ZNF519: variants seen among roughly 807,000 people sequenced by gnomAD.
ZNF519 encodes the protein similar to Zinc finger protein 85 (Zinc finger protein HPF4) (HTF1).
Under a neutral mutation model 7.4 loss-of-function variants are expected in ZNF519, and 7 were observed. That is an observed-to-expected ratio of 0.94 (90% CI 0.54 to 1.77). The LOEUF is 1.77. Among genes scored for constraint, ZNF519 ranks in the 40% most tolerant of loss-of-function variants. The pLI, the probability that ZNF519 is intolerant of heterozygous loss-of-function variation, is 0.00. For synonymous variants in ZNF519, 179 were observed against 203.3 expected, an observed-to-expected ratio of 0.88 and a Z score of 1.02; for missense variants, 586 against 623.1, an observed-to-expected ratio of 0.94 and a Z score of 0.63.
chr18:14,093,239 C>T (rs2046121510), intron 2 of ZNF519, among the ~76,000 whole-genome samples: 1 of 152,152 alleles, frequency 6.6e-6, no homozygotes. Context: ...ACTGACCAAC[C>T]CTTTGAAAGT....
At chr18:14,120,382 T>C (rs2046264883) in intron 2 of ZNF519, among the ~76,000 whole-genome samples, 1 of 152,144 alleles carries the variant, frequency 6.6e-6, no homozygotes, top group Non-Finnish European at 1.5e-5. Flanking sequence ...TCTTTGACCA[T>C]ACCCTAAAAT....
intron 1 of ZNF519, among the ~76,000 whole-genome samples, chr18:14,132,028 C>G (rs2046333002): frequency 6.6e-6 from 1 of 152,162 alleles, no homozygotes; most frequent in African/African-American, 2.4e-5. Flanking sequence ...CGATGACTTT[C>G]GCCTCATCAC....
intron 2 of ZNF519, among the ~76,000 whole-genome samples, chr18:14,108,142 G>A (rs564464172): frequency 1.3e-5 from 2 of 152,292 alleles, no homozygotes; most frequent in Admixed American, 6.5e-5. Context: ...ATCAACTGCT[G>A]TGCTGGTTTC....
intron 2 of ZNF519, chr18:14,123,073 T>C: frequency 5.5e-6 from 1 of 180,694 alleles, no homozygotes; most frequent in Non-Finnish European, 1.3e-5. Flanking sequence ...TGACCTTTGG[T>C]CCCCTTGCCT....
At chr18:14,077,373 G>A (rs2046051596) in exon 5 of ZNF519, 1 of 152,304 alleles carries the variant, frequency 6.6e-6, no homozygotes. Flanking sequence ...TTTGCCTTCT[G>A]AACTACTCGT....
At chr18:14,121,723 T>C (rs564457869) in intron 2 of ZNF519, 35 of 152,300 alleles carry the variant, frequency 2.3e-4, no homozygotes, top group Non-Finnish European at 4.0e-4. Flanking sequence ...AGTATACACA[T>C]ATACGATTTA....
In ZNF519 at chr18:14,101,876, C is replaced by T; in HGVS notation, c.*3041G>A. On this transcript the variant is annotated 3_prime_UTR_variant, in exon 3 of 3. Transcript: ENST00000590202. ...TTCCATTCCCCAAATCAGGCACAGACCAGAGTCTACATAAACCTCCTGCCC... is the reference window on the plus strand; with the variant it reads ...TTCCATTCCCCAAATCAGGCACAGATCAGAGTCTACATAAACCTCCTGCCC... 2.5e-6 allele frequency: 1 copy of T among 396,928 alleles called. No homozygotes were observed. Among genetic ancestry groups the T allele is most frequent in the Admixed American group, 4.4e-5 (1 of 22,690 alleles). The allele number at this position is 396,928 out of a possible 1,614,324, so 24.6% of individuals were successfully genotyped here.
At chr18:14,087,555 T>C (rs2143090819) in intron 2 of ZNF519, among the ~76,000 whole-genome samples, 1 of 152,268 alleles carries the variant, frequency 6.6e-6, no homozygotes, top group Admixed American at 6.5e-5. Context: ...AAGTCTTCAA[T>C]ATCAGCCAGA....
chr18:14,124,977 G>A (rs2046290752), intron 1 of ZNF519, among the ~76,000 whole-genome samples: 1 of 152,174 alleles, frequency 6.6e-6, no homozygotes, highest in Non-Finnish European at 1.5e-5. Flanking sequence ...AAGCTTCAAT[G>A]TGCATATAAA....
In ZNF519 at chr18:14,100,474, C is replaced by T. The variant is rs2046155491; in HGVS notation, c.*4443G>A. On this transcript the variant is annotated 3_prime_UTR_variant, in exon 3 of 3. Transcript: ENST00000590202. ...ACAGTATTTCATGGTAACATCCACACATGAAAACCCACAGCAATAACAAAA... is the reference window on the plus strand; with the variant it reads ...ACAGTATTTCATGGTAACATCCACATATGAAAACCCACAGCAATAACAAAA... 1 of 152,158 alleles carries T rather than the reference C, an allele frequency of 6.6e-6. No individual in the cohort carries two copies. The highest frequency in any genetic ancestry group is 2.1e-4 in the South Asian group (1 of 4,826). The allele number at this position is 152,158 out of a possible 1,614,324, so 9.4% of individuals were successfully genotyped here. A position where few individuals can be genotyped will look rare whatever the true frequency, so the allele number is the denominator to read the frequency against.
At chr18:14,091,312 C>T (rs1442965872) in intron 2 of ZNF519, among the ~76,000 whole-genome samples, 1 of 152,116 alleles carries the variant, frequency 6.6e-6, no homozygotes, top group Non-Finnish European at 1.5e-5. Flanking sequence ...CACATCACTG[C>T]CCCCCATTTC....
At chr18:14,107,062 G>C (rs951868497) in intron 2 of ZNF519, among the ~76,000 whole-genome samples, 4 of 152,104 alleles carry the variant, frequency 2.6e-5, no homozygotes, top group African/African-American at 9.7e-5. Context: ...TCCTAGTGCT[G>C]AACTGGGCTT....
downstream of ZNF519, among the ~76,000 whole-genome samples, chr18:14,097,060 C>A (rs1483522456): frequency 3.9e-5 from 6 of 152,262 alleles, no homozygotes; most frequent in East Asian, 1.2e-3. Flanking sequence ...ACCACCTTCT[C>A]CATCAAACCT....
At chr18:14,094,681 G>C (rs549333274) in intron 2 of ZNF519, among the ~76,000 whole-genome samples, 7 of 152,278 alleles carry the variant, frequency 4.6e-5, no homozygotes, top group Non-Finnish European at 1.0e-4. Flanking sequence ...TGGTTTTCTA[G>C]TATTTTGTGA....
At chr18:14,114,492 A>G (rs1261841522) in intron 2 of ZNF519, among the ~76,000 whole-genome samples, 3 of 152,202 alleles carry the variant, frequency 2.0e-5, no homozygotes, top group African/African-American at 7.2e-5. Flanking sequence ...TTCACTGATC[A>G]ATACCATGCT....
chr18:14,081,342 G>A (rs1177247231), intron 3 of ZNF519, among the ~76,000 whole-genome samples: 6 of 142,260 alleles, frequency 4.2e-5, no homozygotes, highest in Non-Finnish European at 7.7e-5. Context: ...GGAACATATG[G>A]GCATTATAAA....
intron 3 of ZNF519, among the ~76,000 whole-genome samples, chr18:14,081,937 A>C (rs1478379742): frequency 2.0e-5 from 3 of 152,094 alleles, no homozygotes; most frequent in Admixed American, 2.0e-4. Context: ...AAATCTTGCA[A>C]GAAATAACAA....
In ZNF519 at chr18:14,099,983, G is replaced by A. The variant is rs1183640959; in HGVS notation, c.*4934C>T. On this transcript the variant is annotated 3_prime_UTR_variant, in exon 3 of 3. Transcript: ENST00000590202. ...ACTTATTTATTGCCTATGTGAGCTA[G>A]TAACCAGAATATAAACAGAACTCTC... 1.3e-5 allele frequency: 2 copies of A among 152,110 alleles called. No individual in the cohort carries two copies. Among genetic ancestry groups the A allele is most frequent in the Non-Finnish European group, 1.5e-5 (1 of 68,008 alleles). 9.4% of individuals were successfully genotyped at this position (152,110 alleles called of 1,614,324 possible).
intron 3 of ZNF519, chr18:14,082,444 AT>A (rs1268018314): frequency 6.6e-6 from 1 of 152,132 alleles, no homozygotes; most frequent in Non-Finnish European, 1.5e-5. Context: ...TCACATAATT[AT>A]GTGTAAATGG....
Sources: gnomAD v4.1 joint callset for allele counts (sites outside exome capture counted in the v4.1 genomes callset) on GRCh38, gnomAD v4.1.1 for gene constraint, MANE v1.5 for transcripts, NCBI Gene and HGNC (gene_info 2026-07-23, HGNC 2026-07-21) for gene names.